ARHGEF28: variants seen among roughly 807,000 people sequenced by gnomAD.
ARHGEF28 encodes Rho guanine nucleotide exchange factor 28, also known as 190 kDa guanine nucleotide exchange factor.
Under a neutral mutation model 206.6 loss-of-function variants are expected in ARHGEF28, and 152 were observed. The ratio of observed to expected loss-of-function variants is 0.74; its 90% CI spans 0.64 to 0.84. The LOEUF (loss-of-function observed/expected upper bound fraction) is 0.84. Ranked by LOEUF, ARHGEF28 falls within the 40% of genes least tolerant of loss-of-function variation. The pLI is 0.00. For synonymous variants in ARHGEF28, 763 were observed against 776.4 expected (o/e 0.98, Z 0.29); for missense variants, 2,028 against 2,073.2 (o/e 0.98, Z 0.42).
At chr5:73,893,380 T>G in intron 28 of ARHGEF28, 92 bp downstream of exon 28, 3 of 983,724 alleles carry the variant, frequency 3.0e-6, no homozygotes, top group Non-Finnish European at 4.2e-6. Context: ...TATAACTACA[T>G]GATTCATCCT....
intron 4 of ARHGEF28, among the ~76,000 whole-genome samples, chr5:73,761,623 C>T (rs1752605618): frequency 6.6e-6 from 1 of 152,110 alleles, no homozygotes; most frequent in African/African-American, 2.4e-5. Flanking sequence ...TGGATAGAAA[C>T]CTCAAAAAAT....
intron 20 of ARHGEF28, 42 bp from the exon 21 acceptor site, chr5:73,870,027 C>T: frequency 6.3e-7 from 1 of 1,596,774 alleles, no homozygotes. Flanking sequence ...ATTTGTGCTG[C>T]ATTATTGTAC....
intron 2 of ARHGEF28, among the ~76,000 whole-genome samples, chr5:73,687,484 C>T (rs1423229093): frequency 2.6e-5 from 4 of 152,032 alleles, no homozygotes; most frequent in Non-Finnish European, 5.9e-5. Flanking sequence ...AATCTAGCCA[C>T]TTGGCCTCAT....
chr5:73,721,532 G>A (rs1749945522), intron 2 of ARHGEF28, among the ~76,000 whole-genome samples: 1 of 152,130 alleles, frequency 6.6e-6, no homozygotes, highest in Non-Finnish European at 1.5e-5. Flanking sequence ...CACTGTTGAA[G>A]CCTCTGTTTT....
chr5:73,691,920 A>G lies in ARHGEF28; in HGVS notation c.33+7036A>G, dbSNP rs1031673105. Reference sequence around the variant, plus strand: ...TGATACTTTCATCTCTATGGGATAGATTCCTAGGAGTAGAATTGCTGGATG... The same window carrying G: ...TGATACTTTCATCTCTATGGGATAGGTTCCTAGGAGTAGAATTGCTGGATG... On this transcript the variant is annotated intron_variant, in intron 2 of 35. Coordinates refer to ENST00000513042, the MANE Select transcript of ARHGEF28 (RefSeq NM_001177693.2). 1.2e-4 allele frequency among the ~76,000 whole-genome samples: 18 copies of G among 152,324 alleles called. No individual in the cohort carries two copies. The East Asian group carries it at 2.9e-3, about 24-fold the overall frequency.
At chr5:73,693,868 T>C (rs2112269354) in intron 2 of ARHGEF28, among the ~76,000 whole-genome samples, 1 of 148,680 alleles carries the variant, frequency 6.7e-6, no homozygotes, top group South Asian at 2.2e-4. Context: ...CTTTGCCTTG[T>C]CTCCTGTTTT....
At chr5:73,823,109 C>T (rs1386321) in intron 9 of ARHGEF28, among the ~76,000 whole-genome samples, 46,922 of 152,094 alleles carry the variant, frequency 0.31, 9,008 homozygotes, top group East Asian at 0.54. Context: ...ACCGTGTTTG[C>T]GTTCTGGTTC....
chr5:73,895,110 G>A (rs1761888691), intron 29 of ARHGEF28, among the ~76,000 whole-genome samples: 1 of 152,174 alleles, frequency 6.6e-6, no homozygotes, highest in Non-Finnish European at 1.5e-5. Context: ...ATTTCATCCT[G>A]AGTGGGATGG....
At chr5:73,836,212 T>A (rs979304730) in intron 10 of ARHGEF28, among the ~76,000 whole-genome samples, 1 of 152,096 alleles carries the variant, frequency 6.6e-6, no homozygotes, top group Non-Finnish European at 1.5e-5. Context: ...TAAATTTTTT[T>A]AGGAACTTTC....
chr5:73,895,968 A>G (rs1227551243), intron 29 of ARHGEF28, among the ~76,000 whole-genome samples: 2 of 152,170 alleles, frequency 1.3e-5, no homozygotes, highest in South Asian at 2.1e-4. Context: ...GGGTTCACTG[A>G]TAGAACCCCT....
chr5:73,813,117 G>A (rs1425206703), intron 9 of ARHGEF28, among the ~76,000 whole-genome samples: 1 of 152,054 alleles, frequency 6.6e-6, no homozygotes, highest in African/African-American at 2.4e-5. Context: ...TATCTAACAC[G>A]GCACCGGGTA....
intron 9 of ARHGEF28, among the ~76,000 whole-genome samples, chr5:73,819,512 G>A (rs1329512400): frequency 6.6e-6 from 1 of 152,196 alleles, no homozygotes; most frequent in Admixed American, 6.5e-5. Context: ...AGGTTGGTGG[G>A]TGATGTCTTC....
intron 1 of ARHGEF28, among the ~76,000 whole-genome samples, chr5:73,647,789 C>T (rs1476009446): frequency 1.3e-5 from 2 of 152,204 alleles, no homozygotes; most frequent in African/African-American, 4.8e-5. Context: ...TAGTCTCTGT[C>T]ATATCTTCTC....
intron 1 of ARHGEF28, among the ~76,000 whole-genome samples, chr5:73,667,949 T>C (rs1746071230): frequency 6.6e-6 from 1 of 152,232 alleles, no homozygotes; most frequent in African/African-American, 2.4e-5. Flanking sequence ...CTCCAGTTTT[T>C]AATACCTTGT....
rs527941668 is a variant in ARHGEF28, at chr5:73,928,404, C to T, written c.4949-12440C>T. Among the ~76,000 whole-genome samples the T allele has an allele frequency of 1.8e-4, 28 of 152,120 alleles. 1 individual carries two copies. The East Asian group carries it at 5.4e-3, about 29-fold the overall frequency. On this transcript the variant is annotated intron_variant, in intron 35 of 35. Transcript: ENST00000513042. ...GCACTCCAGCCTGGGTGACATAGTC[C>T]TACTCTTTCTCAAAAAACAACAACA...
chr5:73,871,619 C>T (rs1760107310), intron 21 of ARHGEF28, among the ~76,000 whole-genome samples: 1 of 152,134 alleles, frequency 6.6e-6, no homozygotes, highest in Non-Finnish European at 1.5e-5. Flanking sequence ...GTATAATTCA[C>T]CTGCTCAAAA....
intron 7 of ARHGEF28, among the ~76,000 whole-genome samples, chr5:73,785,099 A>G (rs1754084190): frequency 6.6e-6 from 1 of 152,188 alleles, no homozygotes; most frequent in African/African-American, 2.4e-5. Context: ...TTATTTCTGG[A>G]ATTTTCTATT....
rs569715374 is a variant in ARHGEF28, at chr5:73,691,669, A to G, written c.33+6785A>G. Among the ~76,000 whole-genome samples, 15 of 152,318 alleles carry G rather than the reference A, an allele frequency of 9.8e-5. No individual in the cohort carries two copies. In the East Asian group the frequency reaches 2.9e-3, roughly 29 times the overall value. ...CTTCTGTATTCATATATACATATAC[A>G]AGCTTTAGTAGAAGGATCATATTAT... On this transcript the variant is annotated intron_variant, in intron 2 of 35. Transcript: ENST00000513042.
chr5:73,830,144 A>T (rs2112556061), intron 9 of ARHGEF28, among the ~76,000 whole-genome samples: 1 of 152,336 alleles, frequency 6.6e-6, no homozygotes, highest in Non-Finnish European at 1.5e-5. Context: ...AGTAAAGAAT[A>T]TGCATGGTCC....
Sources: gnomAD v4.1 joint callset for allele counts (sites outside exome capture counted in the v4.1 genomes callset) on GRCh38, gnomAD v4.1.1 for gene constraint, MANE v1.5 for transcripts, NCBI Gene and HGNC (gene_info 2026-07-23, HGNC 2026-07-21) for gene names.